Variants in SFMBT1 observed in about 807,000 individuals in gnomAD.
SFMBT1 encodes Scm like with four mbt domains 1, also known as scm-like with four MBT domains protein 1.
A neutral mutation model predicts 108.7 loss-of-function variants in SFMBT1; 32 were observed. The observed-to-expected ratio is 0.29, with a 90% CI of 0.22 to 0.40. SFMBT1 has a LOEUF of 0.40. SFMBT1 is among the 10% of genes least tolerant of loss of function. The pLI is 1.00. For synonymous variants in SFMBT1, 348 were observed against 369.5 expected (o/e 0.94, Z 0.67); for missense variants, 816 against 1,059.6 (o/e 0.77, Z 3.19).
rs372459546 is a variant in SFMBT1, at chr3:53,037,357, T to C, written c.-131+8459A>G. On this transcript the variant is annotated intron_variant, in intron 1 of 20. Coordinates refer to ENST00000394752, the MANE Select transcript of SFMBT1 (RefSeq NM_016329.4). ...CTTCTCTGTTGATTGAGGAGCCCAA[T>C]TGAATACTTACAGGAAAACTGGGTA... Among the ~76,000 whole-genome samples, 63 of 152,302 alleles carry C rather than the reference T, an allele frequency of 4.1e-4. 1 individual carries two copies. The highest frequency in any genetic ancestry group is 1.1e-3 in the African/African-American group (47 of 41,560).
At chr3:52,956,452 C>T (rs980623082) in intron 2 of SFMBT1, among the ~76,000 whole-genome samples, 3 of 151,804 alleles carry the variant, frequency 2.0e-5, no homozygotes, top group Middle Eastern at 6.8e-3. Context: ...GAGCGAGGCA[C>T]TGTCTCAAAA....
intron 1 of SFMBT1, among the ~76,000 whole-genome samples, chr3:52,975,605 TTTTG>T (rs890795825): frequency 1.2e-4 from 18 of 152,194 alleles, no homozygotes; most frequent in Non-Finnish European, 2.4e-4. Flanking sequence ...CTGAGAATTT[TTTTG>T]TTTGTTTGTT....
At chr3:52,986,096 T>C (rs1704902384) in intron 1 of SFMBT1, among the ~76,000 whole-genome samples, 1 of 145,646 alleles carries the variant, frequency 6.9e-6, no homozygotes, top group Non-Finnish European at 1.5e-5. Flanking sequence ...TGAGCTGAGA[T>C]CATGCCACTA....
rs770465491 is a variant in SFMBT1, at chr3:52,920,598, T to C, written c.1311A>G (p.Ile437Met). Residue 437 changes from isoleucine (I) to methionine (M), a missense_variant, in exon 12 of 21, where the codon ATA becomes ATG. Ile to Met is a conservative substitution (Grantham distance 10, BLOSUM62 1). Transcript: ENST00000394752. ...ECIVSVESMD[I>M]FPLGWCETNG... ...TGGTTTCACACCAGCCCAAAGGAAA[T>C]ATATCCATGGATTCCACACTCACAA... 2 of 1,614,016 alleles carry C rather than the reference T, an allele frequency of 1.2e-6. No homozygotes were observed. Among genetic ancestry groups the C allele is most frequent in the Admixed American group, 3.3e-5 (2 of 59,992 alleles).
At chr3:53,011,002 C>A (rs1698924311) in intron 1 of SFMBT1, among the ~76,000 whole-genome samples, 1 of 152,284 alleles carries the variant, frequency 6.6e-6, no homozygotes, top group South Asian at 2.1e-4. Context: ...CTCCTTTGTT[C>A]TTGGTACTTC....
At chr3:52,977,754 T>C (rs936918441) in intron 1 of SFMBT1, among the ~76,000 whole-genome samples, 2 of 152,316 alleles carry the variant, frequency 1.3e-5, no homozygotes, top group African/African-American at 4.8e-5. Flanking sequence ...CACATATATA[T>C]GTGCAGATAC....
intron 4 of SFMBT1, among the ~76,000 whole-genome samples, chr3:52,941,581 G>A (rs1479075584): frequency 1.0e-5 from 1 of 97,278 alleles, no homozygotes; most frequent in Non-Finnish European, 1.9e-5. Flanking sequence ...GCAACAGAGT[G>A]AGACTCTGTT....
In SFMBT1 at chr3:52,939,139, G is replaced by A. The variant is rs531776602; in HGVS notation, c.364+4214C>T. On this transcript the variant is annotated intron_variant, in intron 4 of 20. Coordinates refer to ENST00000394752, the MANE Select transcript of SFMBT1 (RefSeq NM_016329.4). Reference sequence around the variant, plus strand: ...AACTTGGTCTTTCTCCTAAATAGCCGTGGTATTATTTTTTGCTTTAAAGTT... The same window carrying A: ...AACTTGGTCTTTCTCCTAAATAGCCATGGTATTATTTTTTGCTTTAAAGTT... Among the ~76,000 whole-genome samples, 8 of 152,172 alleles carry A rather than the reference G, an allele frequency of 5.3e-5. No homozygotes were observed. The South Asian group carries it at 1.0e-3, about 20-fold the overall frequency.
chr3:52,976,761 C>T (rs982275784), intron 1 of SFMBT1, among the ~76,000 whole-genome samples: 1 of 152,032 alleles, frequency 6.6e-6, no homozygotes, highest in African/African-American at 2.4e-5. Context: ...ATAAATAAGA[C>T]CAAACCTAAT....
intron 1 of SFMBT1, among the ~76,000 whole-genome samples, chr3:53,010,897 C>G (rs2106927873): frequency 6.6e-6 from 1 of 152,284 alleles, no homozygotes; most frequent in South Asian, 2.1e-4. Flanking sequence ...GAACTGTCTT[C>G]CACTCAGTAT....
intron 1 of SFMBT1, among the ~76,000 whole-genome samples, chr3:53,043,801 G>A (rs370618089): frequency 6.6e-6 from 1 of 152,136 alleles, no homozygotes; most frequent in East Asian, 1.9e-4. Context: ...TAAAAGCAAA[G>A]GGTCATGGCC....
chr3:52,946,396 T>C (rs1703366441), intron 3 of SFMBT1, among the ~76,000 whole-genome samples: 1 of 152,232 alleles, frequency 6.6e-6, no homozygotes. Flanking sequence ...ACTATGGTTA[T>C]ATTGACTATG....
At chr3:53,012,489 G>A (rs9870416) in intron 1 of SFMBT1, among the ~76,000 whole-genome samples, 3,166 of 150,578 alleles carry the variant, frequency 0.021, 120 homozygotes, top group African/African-American at 0.073. Context: ...TGCAAGCTCC[G>A]CCTCCCGGAT....
chr3:53,019,829 T>C (rs1282970030), intron 1 of SFMBT1, among the ~76,000 whole-genome samples: 2 of 152,162 alleles, frequency 1.3e-5, no homozygotes, highest in African/African-American at 4.8e-5. Flanking sequence ...TTAAAACCTT[T>C]CAGTAACTGA....
intron 2 of SFMBT1, among the ~76,000 whole-genome samples, chr3:52,961,169 A>C (rs1328552846): frequency 6.6e-6 from 1 of 151,942 alleles, no homozygotes; most frequent in East Asian, 1.9e-4. Context: ...AACATTGATA[A>C]ACAATGAAGA....
At chr3:53,016,878 C>T (rs1317584133) in intron 1 of SFMBT1, among the ~76,000 whole-genome samples, 1 of 152,114 alleles carries the variant, frequency 6.6e-6, no homozygotes, top group Non-Finnish European at 1.5e-5. Flanking sequence ...CAAAGATCTT[C>T]GCTTATTGTT....
intron 1 of SFMBT1, among the ~76,000 whole-genome samples, chr3:52,985,909 A>G (rs1349436521): frequency 1.3e-5 from 2 of 152,162 alleles, no homozygotes; most frequent in Non-Finnish European, 2.9e-5. Context: ...TTGGGAGGCC[A>G]AGGTGGGCAG....
chr3:52,958,368 A>G (rs1703852909), intron 2 of SFMBT1, among the ~76,000 whole-genome samples: 1 of 152,232 alleles, frequency 6.6e-6, no homozygotes, highest in Admixed American at 6.5e-5. Flanking sequence ...CGGCAGGCGG[A>G]CCACTTGAGG....
At chr3:53,044,491 C>A (rs982678035) in intron 1 of SFMBT1, among the ~76,000 whole-genome samples, 1 of 152,148 alleles carries the variant, frequency 6.6e-6, no homozygotes, top group African/African-American at 2.4e-5. Flanking sequence ...AATCTACCTA[C>A]GGCCTAATTC....
Sources: allele counts gnomAD v4.1 joint callset (sites outside exome capture counted in the v4.1 genomes callset), GRCh38; gene constraint gnomAD v4.1.1; transcripts MANE v1.5; gene names NCBI Gene and HGNC (gene_info 2026-07-23, HGNC 2026-07-21).